The following EPCIP variants were observed in gnomAD, a reference collection of about 807,000 sequenced individuals.
EPCIP encodes exosomal polycystin 1 interacting protein, also known as exosomal polycystin-1-interacting protein.
the EPCIP span, chr21:32,794,437 G>T: frequency 1.2e-6 from 2 of 1,601,898 alleles, no homozygotes; most frequent in Non-Finnish European, 1.7e-6. Flanking sequence ...CCCAGCATGG[G>T]CCAGCGTGTT....
the EPCIP span, among the ~76,000 whole-genome samples, chr21:32,803,914 A>G: frequency 6.6e-6 from 1 of 152,168 alleles, no homozygotes; most frequent in African/African-American, 2.4e-5. Flanking sequence ...TGTGGTTTAC[A>G]CAGTTCATTG....
chr21:32,795,033 C>T, the EPCIP span, among the ~76,000 whole-genome samples: 1 of 152,176 alleles, frequency 6.6e-6, no homozygotes, highest in African/African-American at 2.4e-5. Context: ...TAGTTAATGG[C>T]AAGCTTTAAT....
the EPCIP span, chr21:32,793,471 C>T: frequency 2.0e-6 from 1 of 506,244 alleles, no homozygotes; most frequent in South Asian, 2.5e-5. Flanking sequence ...TCCCTGCAGG[C>T]TTCTAGTTGC....
At chr21:32,810,246 C>CTT in the EPCIP span, among the ~76,000 whole-genome samples, 9 of 65,634 alleles carry the variant, frequency 1.4e-4, 1 homozygote, top group Admixed American at 2.3e-4. Flanking sequence ...GGCATTTGAT[C>CTT]TTTTTTTTTT....
chr21:32,813,153 A>G, the EPCIP span, among the ~76,000 whole-genome samples: 1 of 152,202 alleles, frequency 6.6e-6, no homozygotes, highest in Non-Finnish European at 1.5e-5. Flanking sequence ...ACAATAAGGA[A>G]AAGAGATATC....
At chr21:32,813,543 G>A in the EPCIP span, 1 of 464,220 alleles carries the variant, frequency 2.2e-6, no homozygotes, top group Non-Finnish European at 4.5e-6. Flanking sequence ...CTGAAAAACT[G>A]TCAGACTAGA....
chr21:32,796,962 C>T, the EPCIP span: 5 of 470,480 alleles, frequency 1.1e-5, no homozygotes, highest in Admixed American at 4.7e-5. Context: ...TAGAGGCAGC[C>T]GTGGAAGAGG....
At chr21:32,807,375 C>T in the EPCIP span, among the ~76,000 whole-genome samples, 1 of 121,870 alleles carries the variant, frequency 8.2e-6, no homozygotes, top group African/African-American at 2.9e-5. Context: ...TCTTATTGCC[C>T]AGGCTGGAGT....
At chr21:32,794,233 A>G in the EPCIP span, 3 of 1,614,268 alleles carry the variant, frequency 1.9e-6, no homozygotes, top group Non-Finnish European at 2.5e-6. Flanking sequence ...GGACGGTTTT[A>G]CAGTTGCACA....
chr21:32,812,479 G>T, the EPCIP span, among the ~76,000 whole-genome samples: 1 of 152,108 alleles, frequency 6.6e-6, no homozygotes, highest in Non-Finnish European at 1.5e-5. Context: ...AGAAAGATGA[G>T]AAATCCAAGT....
At chr21:32,809,965 G>A in the EPCIP span, among the ~76,000 whole-genome samples, 3 of 151,868 alleles carry the variant, frequency 2.0e-5, no homozygotes, top group Non-Finnish European at 4.4e-5. Flanking sequence ...GTACCTAGTC[G>A]TGTTAGATTT....
the EPCIP span, among the ~76,000 whole-genome samples, chr21:32,802,416 A>T: frequency 2.6e-5 from 4 of 152,192 alleles, no homozygotes. Context: ...AGAGACAAAA[A>T]ATGAGATGGT....
At chr21:32,811,219 A>G in the EPCIP span, among the ~76,000 whole-genome samples, 1 of 151,026 alleles carries the variant, frequency 6.6e-6, no homozygotes, top group Non-Finnish European at 1.5e-5. Flanking sequence ...CAACCTCTGC[A>G]TCCCGGATTC....
chr21:32,795,978 T>TTCCTTCCC, the EPCIP span, among the ~76,000 whole-genome samples: 1 of 45,054 alleles, frequency 2.2e-5, no homozygotes, highest in African/African-American at 5.8e-5. Context: ...CCTTCTTTCC[T>TTCCTTCCC]TCCTTCCCTC....
the EPCIP span, among the ~76,000 whole-genome samples, chr21:32,807,145 G>T: frequency 6.6e-6 from 1 of 152,172 alleles, no homozygotes; most frequent in Non-Finnish European, 1.5e-5. Flanking sequence ...TGAGATTTGA[G>T]TGGGGACACA....
the EPCIP span, among the ~76,000 whole-genome samples, chr21:32,792,915 AT>A: frequency 8.7e-4 from 61 of 69,790 alleles, no homozygotes; most frequent in Middle Eastern, 7.0e-3. Context: ...TATTATTATT[AT>A]TTTTTTTTTT....
chr21:32,804,974 G>T, the EPCIP span, among the ~76,000 whole-genome samples: 59 of 152,314 alleles, frequency 3.9e-4, no homozygotes, highest in African/African-American at 1.0e-3. Context: ...AAAGGTGCCT[G>T]TGTCCTAATA....
the EPCIP span, among the ~76,000 whole-genome samples, chr21:32,794,711 G>A: frequency 6.6e-6 from 1 of 152,216 alleles, no homozygotes; most frequent in Non-Finnish European, 1.5e-5. Context: ...CATCTGAGGT[G>A]TAAAACTCCC....
the EPCIP span, chr21:32,794,324 A>G: frequency 6.2e-7 from 1 of 1,614,140 alleles, no homozygotes; most frequent in Non-Finnish European, 8.5e-7. Flanking sequence ...CCTTGTGAAG[A>G]TGAGCGTGCT....
Sources: allele counts gnomAD v4.1 joint callset (sites outside exome capture counted in the v4.1 genomes callset), GRCh38; gene constraint gnomAD v4.1.1; transcripts MANE v1.5; gene names NCBI Gene and HGNC (gene_info 2026-07-23, HGNC 2026-07-21).